Variants in ASTN2 observed in about 807,000 individuals in gnomAD.
ASTN2 encodes astrotactin 2.
ASTN2 carries 54 observed loss-of-function variants against 139.8 expected under a neutral mutation model. The ratio of observed to expected loss-of-function variants is 0.39; its 90% CI spans 0.31 to 0.48. ASTN2 has a LOEUF of 0.48. ASTN2 is among the 20% of genes least tolerant of loss of function. The pLI, the probability that ASTN2 is intolerant of heterozygous loss-of-function variation, is 0.95. For missense variants in ASTN2, 1,565 were observed against 1,725.1 expected, an observed-to-expected ratio of 0.91 and a Z score of 1.64; for synonymous variants, 756 against 719.5, an observed-to-expected ratio of 1.05 and a Z score of -0.81.
At chr9:116,880,022 A>G (rs1833410814) in intron 10 of ASTN2, among the ~76,000 whole-genome samples, 1 of 152,228 alleles carries the variant, frequency 6.6e-6, no homozygotes, top group Non-Finnish European at 1.5e-5. Context: ...CTTTATTGAC[A>G]TATTAAGTAA....
rs992634543 is a variant in ASTN2 at position 117,414,663 on chromosome 9, AGCCCCGGCCCCG to A, written c.264_275del (p.Ala90_Gly93del). The A allele has an allele frequency of 3.1e-6, 4 of 1,282,704 alleles. No homozygotes were observed. Among genetic ancestry groups the A allele is most frequent in the Non-Finnish European group, 3.9e-6 (4 of 1,020,848 alleles). 79.5% of individuals were successfully genotyped at this position (1,282,704 alleles called of 1,614,324 possible). A position where few individuals can be genotyped will look rare whatever the true frequency, so the allele number is the denominator to read the frequency against. ...CGGCGGCGGCTCCGGCCCCGGTCCCAGCCCCGGCCCCGGCGCGGGCGCCGCTCCAGCCGATGT... is the reference window on the plus strand; with the variant it reads ...CGGCGGCGGCTCCGGCCCCGGTCCCAGCGCGGGCGCCGCTCCAGCCGATGT... On this transcript the variant is annotated inframe_deletion, in exon 1 of 23. Transcript: ENST00000313400. This position sits in a 1 kb window ranked among gnomAD's most constrained non-coding sequence, Gnocchi z 4.2.
chr9:116,916,100 A>G (rs1368207280), intron 10 of ASTN2, among the ~76,000 whole-genome samples: 1 of 152,162 alleles, frequency 6.6e-6, no homozygotes, highest in East Asian at 1.9e-4. Context: ...TGTGGGGAAA[A>G]CAATCCCTAC....
intron 2 of ASTN2, among the ~76,000 whole-genome samples, chr9:117,215,626 T>C (rs1033425253): frequency 2.0e-5 from 3 of 152,128 alleles, no homozygotes; most frequent in Non-Finnish European, 2.9e-5. Flanking sequence ...GTCTGTAAGA[T>C]CCTTCAGGGC....
At chr9:116,686,662 G>C in intron 16 of ASTN2, 1 of 1,544,378 alleles carries the variant, frequency 6.5e-7, no homozygotes, top group Non-Finnish European at 8.8e-7. Flanking sequence ...ACCTTCACCC[G>C]AGCAAAACTA....
rs1037145475 is a variant in ASTN2, at chr9:116,423,552, C to T, written c.*2299G>A. Among the ~76,000 whole-genome samples the T allele has an allele frequency of 4.6e-5, 7 of 152,150 alleles. No homozygotes were observed. The highest frequency in any genetic ancestry group is 1.7e-4 in the African/African-American group (7 of 41,424). On this transcript the variant is annotated 3_prime_UTR_variant, in exon 23 of 23. Coordinates refer to ENST00000313400, the MANE Select transcript of ASTN2 (RefSeq NM_001365068.1). ...TGATAGCTCTCTGAAAACTTGGGAC[C>T]CAGGCCCAGCAAACTGATAGCTCTC...
chr9:117,120,885 C>A (rs1829541352), intron 4 of ASTN2, among the ~76,000 whole-genome samples: 1 of 152,128 alleles, frequency 6.6e-6, no homozygotes, highest in Non-Finnish European at 1.5e-5. Flanking sequence ...CCAGTCTTGT[C>A]CCTTCAAAAT....
chr9:116,501,790 C>T (rs1348308217), intron 19 of ASTN2, among the ~76,000 whole-genome samples: 1 of 151,812 alleles, frequency 6.6e-6, no homozygotes, highest in African/African-American at 2.4e-5. Context: ...CAGCACGTCA[C>T]ATGTATCCAT....
intron 13 of ASTN2, among the ~76,000 whole-genome samples, chr9:116,754,310 C>A (rs1269112638): frequency 6.6e-6 from 1 of 152,146 alleles, no homozygotes; most frequent in African/African-American, 2.4e-5. Context: ...ATTTATAATC[C>A]TTTGGGTATA....
At chr9:117,340,619 T>A (rs1229115434) in intron 1 of ASTN2, among the ~76,000 whole-genome samples, 1 of 152,130 alleles carries the variant, frequency 6.6e-6, no homozygotes, top group Non-Finnish European at 1.5e-5. Flanking sequence ...CCTTCCTTAG[T>A]GTGAGACCTT....
chr9:117,066,834 C>T (rs1324731463), intron 5 of ASTN2, among the ~76,000 whole-genome samples: 2 of 145,024 alleles, frequency 1.4e-5, no homozygotes, highest in African/African-American at 2.6e-5. Flanking sequence ...ATGTCCTTCG[C>T]CCACTTTTTG....
At chr9:116,799,184 A>T (rs1830776840) in intron 13 of ASTN2, among the ~76,000 whole-genome samples, 1 of 152,130 alleles carries the variant, frequency 6.6e-6, no homozygotes, top group Admixed American at 6.6e-5. Flanking sequence ...ATAGGCCACA[A>T]CAGCTTTGGA....
At chr9:116,981,250 G>A (rs1928995) in intron 7 of ASTN2, among the ~76,000 whole-genome samples, 61,573 of 152,046 alleles carry the variant, frequency 0.4, 14,745 homozygotes, top group South Asian at 0.57. Flanking sequence ...CTGATAAAGG[G>A]TAGGCAACTC....
intron 20 of ASTN2, among the ~76,000 whole-genome samples, chr9:116,479,761 C>T (rs1307751253): frequency 6.6e-6 from 1 of 152,130 alleles, no homozygotes; most frequent in African/African-American, 2.4e-5. Context: ...AGTGTGTTTT[C>T]CATATTGTTT....
At chr9:116,902,514 C>T (rs1384682961) in intron 10 of ASTN2, among the ~76,000 whole-genome samples, 1 of 151,870 alleles carries the variant, frequency 6.6e-6, no homozygotes, top group Non-Finnish European at 1.5e-5. Flanking sequence ...TTACAATTGC[C>T]TACAGTATTC....
intron 10 of ASTN2, among the ~76,000 whole-genome samples, chr9:116,951,499 AGTC>A (rs1055240878): frequency 2.0e-5 from 3 of 152,144 alleles, no homozygotes; most frequent in Non-Finnish European, 2.9e-5. Flanking sequence ...CTGTGAATAG[AGTC>A]TACAAAGATA....
chr9:117,082,184 G>A (rs116668268), intron 5 of ASTN2, among the ~76,000 whole-genome samples: 2,152 of 152,202 alleles, frequency 0.014, 47 homozygotes, highest in African/African-American at 0.049. Flanking sequence ...ATGGCTCACA[G>A]GCACCTCAAA....
chr9:116,821,066 C>T (rs959901137), intron 11 of ASTN2, among the ~76,000 whole-genome samples: 9 of 152,164 alleles, frequency 5.9e-5, no homozygotes, highest in Admixed American at 1.3e-4. Context: ...CTGGCTCACA[C>T]GGCAACAGCA....
chr9:117,173,653 A>T (rs138129531), intron 3 of ASTN2, among the ~76,000 whole-genome samples: 32 of 152,220 alleles, frequency 2.1e-4, no homozygotes, highest in Non-Finnish European at 3.2e-4. Context: ...ATAATAAAAA[A>T]ATAGAATTAA....
rs557899719 is a variant in ASTN2, at chr9:116,891,543, AAAG to A, written c.1890-27813_1890-27811del. ...TTTATAGATGAGGAAATGGGGGCCT[AAAG>A]AAGCACATGGGTGTGCACAAAGTCC... On this transcript the variant is annotated intron_variant, in intron 10 of 22. Transcript: ENST00000313400. Among the ~76,000 whole-genome samples the A allele has an allele frequency of 2.3e-3, 344 of 152,340 alleles. 1 individual carries two copies. Among genetic ancestry groups the A allele is most frequent in the African/African-American group, 7.7e-3 (319 of 41,588 alleles).
Sources: gnomAD v4.1 joint callset for allele counts (sites outside exome capture counted in the v4.1 genomes callset) on GRCh38, gnomAD v4.1.1 for gene constraint, Gnocchi (gnomAD v3.1) non-coding constraint, MANE v1.5 for transcripts, NCBI Gene and HGNC (gene_info 2026-07-23, HGNC 2026-07-21) for gene names.